The following SGCD variants were observed in gnomAD, a reference collection of about 807,000 sequenced individuals.
SGCD encodes the protein delta-sarcoglycan.
In SGCD, 18 loss-of-function variants were observed where a neutral mutation model predicts 36.6. The observed-to-expected ratio is 0.49, with a 90% CI of 0.34 to 0.73. SGCD has a LOEUF of 0.73. Among genes scored for constraint, SGCD ranks in the 30% least tolerant of loss-of-function variants. The pLI is 0.01. For missense variants in SGCD, 387 were observed against 346.7 expected (o/e 1.12, Z -0.92); for synonymous variants, 133 against 130.6 (o/e 1.02, Z -0.12).
chr5:156,321,565 A>T (rs1343401990), intron 3 of SGCD, among the ~76,000 whole-genome samples: 1 of 152,176 alleles, frequency 6.6e-6, no homozygotes, highest in Non-Finnish European at 1.5e-5. Context: ...CAATTTCCTA[A>T]TAACCCTACA....
rs57963416 is a variant in SGCD, at chr5:156,696,915, AACACACACACACACACAC to A, written c.575+49410_575+49427del. ...TTCTCTCCCCATCATCCTTACACAC[AACACACACACACACACAC>A]ACACACACACACACACACACACACA... On this transcript the variant is annotated intron_variant, in intron 7 of 8. Coordinates refer to ENST00000337851, the MANE Select transcript of SGCD (RefSeq NM_000337.6). 2.5e-3 allele frequency among the ~76,000 whole-genome samples: 363 copies of A among 145,174 alleles called. 3 individuals are homozygous for A. Among genetic ancestry groups the A allele is most frequent in the Middle Eastern group, 0.014 (4 of 288 alleles).
At chr5:156,278,015 A>G (rs1766360196) in intron 3 of SGCD, among the ~76,000 whole-genome samples, 1 of 152,226 alleles carries the variant, frequency 6.6e-6, no homozygotes, top group Admixed American at 6.5e-5. Flanking sequence ...AGGTTCATAT[A>G]AAAGAAAAAA....
At chr5:156,274,946 G>A (rs1216070718) in intron 3 of SGCD, among the ~76,000 whole-genome samples, 1 of 152,170 alleles carries the variant, frequency 6.6e-6, no homozygotes, top group Non-Finnish European at 1.5e-5. Flanking sequence ...CTGTATTGAA[G>A]GATAGCCTGA....
At chr5:156,098,822 G>A (rs1433531902) in intron 1 of SGCD, among the ~76,000 whole-genome samples, 1 of 152,160 alleles carries the variant, frequency 6.6e-6, no homozygotes, top group African/African-American at 2.4e-5. Flanking sequence ...TCTGGTTCAG[G>A]CTGCTTACTG....
chr5:156,565,907 T>C (rs1365632139), intron 4 of SGCD, among the ~76,000 whole-genome samples: 1 of 152,214 alleles, frequency 6.6e-6, no homozygotes, highest in Non-Finnish European at 1.5e-5. Context: ...TTGTATTCCA[T>C]AGTGTATTAT....
At chr5:155,865,972 A>T (rs534657347), upstream of SGCD, among the ~76,000 whole-genome samples, 1 of 152,258 alleles carries the variant, frequency 6.6e-6, no homozygotes, top group Non-Finnish European at 1.5e-5. Flanking sequence ...AGTTTATCTC[A>T]GTCATTATTT....
the SGCD span, among the ~76,000 whole-genome samples, chr5:155,748,042 T>A: frequency 1.3e-5 from 2 of 152,282 alleles, no homozygotes; most frequent in African/African-American, 4.8e-5. Flanking sequence ...ATCCTTTCCC[T>A]ACCTTTCCAT....
At chr5:156,184,907 C>T (rs10073691) in intron 3 of SGCD, among the ~76,000 whole-genome samples, 110,995 of 152,054 alleles carry the variant, frequency 0.73, 41,486 homozygotes, top group East Asian at 0.95. Flanking sequence ...TATTATTTAT[C>T]TGGAGCAGCA....
chr5:156,178,280 G>T (rs75004833), intron 3 of SGCD, among the ~76,000 whole-genome samples: 7 of 152,028 alleles, frequency 4.6e-5, no homozygotes, highest in African/African-American at 1.7e-4. Context: ...TAACTGAATC[G>T]TAACTAAAGA....
chr5:156,161,898 C>T lies in SGCD; in HGVS notation c.-44+37879C>T, dbSNP rs1036190542. The stretch of plus-strand genomic sequence containing the variant: ...AAATGTAACTCTCTTTTTCTACAGC[C>T]TCAGTTCCATCAGCCTCCCAGTCTA... On this transcript the variant is annotated intron_variant, in intron 3 of 9. Coordinates refer to the SGCD transcript ENST00000517913. 5.3e-5 allele frequency among the ~76,000 whole-genome samples: 8 copies of T among 151,586 alleles called. 1 individual carries two copies. The highest frequency in any genetic ancestry group is 7.3e-5 in the African/African-American group (3 of 40,918).
chr5:156,331,127 C>A (rs570469816), intron 2 of SGCD, among the ~76,000 whole-genome samples: 3 of 152,292 alleles, frequency 2.0e-5, no homozygotes, highest in African/African-American at 7.2e-5. Context: ...AGAGTTCAAA[C>A]AATCAGCAAA....
chr5:156,513,084 G>A (rs1757012130), intron 4 of SGCD, among the ~76,000 whole-genome samples: 1 of 152,146 alleles, frequency 6.6e-6, no homozygotes, highest in Admixed American at 6.5e-5. Flanking sequence ...ATTAAAGGAA[G>A]AATTAGTCTT....
At chr5:156,393,468 T>G (rs1771688299) in intron 3 of SGCD, among the ~76,000 whole-genome samples, 2 of 152,264 alleles carry the variant, frequency 1.3e-5, no homozygotes, top group South Asian at 4.1e-4. Context: ...TAATAAATAC[T>G]CAAAACTCAT....
chr5:156,508,537 G>T, intron 3 of SGCD, 64 bp from the exon 4 acceptor site: 1 of 944,754 alleles, frequency 1.1e-6, no homozygotes, highest in African/African-American at 1.6e-5. Flanking sequence ...GTTTTTTACA[G>T]CCTGAGGTGT....
intron 4 of SGCD, among the ~76,000 whole-genome samples, chr5:156,522,575 C>A (rs2113047548): frequency 6.6e-6 from 1 of 151,974 alleles, no homozygotes; most frequent in Middle Eastern, 3.4e-3. Context: ...CACACCGGGG[C>A]CTATTGATGG....
intron 3 of SGCD, among the ~76,000 whole-genome samples, chr5:156,379,841 C>T (rs757950514): frequency 6.6e-6 from 1 of 152,114 alleles, no homozygotes; most frequent in African/African-American, 2.4e-5. Context: ...CAGGATAACA[C>T]CAGTCTTTTG....
chr5:156,721,683 C>A (rs933689778), intron 7 of SGCD, among the ~76,000 whole-genome samples: 6 of 152,084 alleles, frequency 3.9e-5, no homozygotes, highest in Non-Finnish European at 7.4e-5. Context: ...AGAAGAGAGG[C>A]TAGCAAGATG....
intron 1 of SGCD, among the ~76,000 whole-genome samples, chr5:156,089,267 A>T (rs905888595): frequency 6.6e-5 from 10 of 152,352 alleles, no homozygotes; most frequent in Admixed American, 2.6e-4. Flanking sequence ...GGAGCAAGGC[A>T]ACAGGCAAAA....
chr5:156,072,845 T>C (rs1356442379), intron 1 of SGCD, among the ~76,000 whole-genome samples: 1 of 152,196 alleles, frequency 6.6e-6, no homozygotes, highest in Non-Finnish European at 1.5e-5. Flanking sequence ...TGTTCTTTTT[T>C]CTCTAAACTT....
Sources: allele counts gnomAD v4.1 joint callset (sites outside exome capture counted in the v4.1 genomes callset), GRCh38; gene constraint gnomAD v4.1.1; transcripts MANE v1.5; gene names NCBI Gene and HGNC (gene_info 2026-07-23, HGNC 2026-07-21).